The following LDLRAD3 variants were observed in gnomAD, a reference collection of about 807,000 sequenced individuals.
LDLRAD3 encodes low density lipoprotein receptor class A domain containing 3.
In LDLRAD3, 20 loss-of-function variants were observed where a neutral mutation model predicts 29.4. The ratio of observed to expected loss-of-function variants is 0.68; its 90% CI spans 0.48 to 0.99. The LOEUF (loss-of-function observed/expected upper bound fraction) is 0.99, where lower values mean the gene tolerates loss of function less well. Among genes scored for constraint, LDLRAD3 ranks in the 50% least tolerant of loss-of-function variants. The pLI, the probability that LDLRAD3 is intolerant of heterozygous loss-of-function variation, is 0.00. For synonymous variants in LDLRAD3, 157 were observed against 192.7 expected (o/e 0.81, Z 1.53); for missense variants, 420 against 454.3 (o/e 0.92, Z 0.69).
intron 1 of LDLRAD3, among the ~76,000 whole-genome samples, chr11:36,032,218 G>C (rs12270867): frequency 0.046 from 6,951 of 152,226 alleles, 207 homozygotes; most frequent in South Asian, 0.12. Flanking sequence ...ATTTTGGGGG[G>C]ACACAATTGA....
intron 3 of LDLRAD3, 123 bp from the exon 4 acceptor site, chr11:36,098,204 G>A (rs1460009573): frequency 2.5e-6 from 3 of 1,192,572 alleles, no homozygotes; most frequent in South Asian, 1.5e-5. Flanking sequence ...CTTTGAGTCT[G>A]CCAGCTTAGA....
chr11:36,169,708 G>A (rs974924953), intron 4 of LDLRAD3, among the ~76,000 whole-genome samples: 10 of 152,070 alleles, frequency 6.6e-5, no homozygotes, highest in African/African-American at 2.4e-4. Flanking sequence ...ATCCATTGAT[G>A]GGCACTTATG....
intron 1 of LDLRAD3, among the ~76,000 whole-genome samples, chr11:36,004,154 T>C (rs1851857023): frequency 6.6e-6 from 1 of 152,184 alleles, no homozygotes; most frequent in Admixed American, 6.5e-5. Flanking sequence ...CCCCTAGTCT[T>C]ATTTCAGCAT....
intron 2 of LDLRAD3, among the ~76,000 whole-genome samples, chr11:36,057,242 T>C (rs1852635013): frequency 6.6e-6 from 1 of 152,180 alleles, no homozygotes; most frequent in Non-Finnish European, 1.5e-5. Flanking sequence ...TCAGGGTCCC[T>C]GGTGGATTGA....
chr11:36,151,675 A>G (rs907380252), intron 4 of LDLRAD3, among the ~76,000 whole-genome samples: 1 of 152,194 alleles, frequency 6.6e-6, no homozygotes, highest in African/African-American at 2.4e-5. Context: ...ATTGAGCTTG[A>G]TAAATGTATA....
chr11:36,132,703 C>T (rs1295604455), intron 4 of LDLRAD3, among the ~76,000 whole-genome samples: 1 of 152,194 alleles, frequency 6.6e-6, no homozygotes, highest in African/African-American at 2.4e-5. Context: ...CTTTTGAGCG[C>T]CTTACAGTCC....
At position 36,128,475 on chromosome 11, in the gene LDLRAD3, G is replaced by A. The variant is rs115078754; in HGVS notation, c.454+30014G>A. Among the ~76,000 whole-genome samples the A allele has an allele frequency of 5.9e-3, 900 of 152,212 alleles. 4 individuals carry two copies. The highest frequency in any genetic ancestry group is 0.02 in the African/African-American group (811 of 41,532). On this transcript the variant is annotated intron_variant, in intron 4 of 5. Coordinates refer to ENST00000315571, the MANE Select transcript of LDLRAD3 (RefSeq NM_174902.4). ...CCATCATAAAGGACTGTAGAAGCCC[G>A]TGCACCTGGGAAATTGGACTTTATC...
intron 3 of LDLRAD3, among the ~76,000 whole-genome samples, chr11:36,087,907 C>T (rs577410006): frequency 2.6e-5 from 4 of 151,992 alleles, no homozygotes; most frequent in South Asian, 2.1e-4. Context: ...TTAGTAGTGT[C>T]GGAGTTTAAC....
rs150344226 is a variant in LDLRAD3, at chr11:36,120,429, G to A, written c.454+21968G>A. Among the ~76,000 whole-genome samples, 637 of 152,206 alleles carry A rather than the reference G, an allele frequency of 4.2e-3. 1 individual carries two copies. Among genetic ancestry groups the A allele is most frequent in the African/African-American group, 0.014 (591 of 41,518 alleles). On this transcript the variant is annotated intron_variant, in intron 4 of 5. Coordinates refer to ENST00000315571, the MANE Select transcript of LDLRAD3 (RefSeq NM_174902.4). ...TTGGAAACTGTCCTGTGAGTGTTTAGTATGTGCTAGGCACTCTCCTGAGCA... is the reference window on the plus strand; with the variant it reads ...TTGGAAACTGTCCTGTGAGTGTTTAATATGTGCTAGGCACTCTCCTGAGCA...
chr11:35,972,086 T>A (rs1851419805), intron 1 of LDLRAD3, among the ~76,000 whole-genome samples: 1 of 151,900 alleles, frequency 6.6e-6, no homozygotes, highest in South Asian at 2.1e-4. Context: ...GGATGGGGAT[T>A]TGGAAAGTAC....
At chr11:36,192,114 G>A (rs543567609) in intron 4 of LDLRAD3, among the ~76,000 whole-genome samples, 3 of 152,244 alleles carry the variant, frequency 2.0e-5, no homozygotes, top group Non-Finnish European at 2.9e-5. Flanking sequence ...GAATGCGATC[G>A]CTTTTATCAA....
Position 36,184,877 on chromosome 11 carries a change from G to C in LDLRAD3, c.455-42208G>C, listed in dbSNP as rs529920894. Among the ~76,000 whole-genome samples the C allele has an allele frequency of 1.2e-4, 19 of 152,244 alleles. No homozygotes were observed. In the East Asian group the frequency reaches 2.3e-3, roughly 19 times the overall value. ...CTTTAGACTCTCCACTTTGGCCCTG[G>C]ATCTTGACTTAATGTTCCTCTCAAT... On this transcript the variant is annotated intron_variant, in intron 4 of 5. Transcript: ENST00000315571.
chr11:36,062,398 C>G (rs75896871), intron 2 of LDLRAD3, among the ~76,000 whole-genome samples: 2 of 152,062 alleles, frequency 1.3e-5, no homozygotes, highest in African/African-American at 2.4e-5. Context: ...ACCAGGGGTT[C>G]GGTCTAGGTC....
chr11:36,176,341 C>G (rs779839467), intron 4 of LDLRAD3, among the ~76,000 whole-genome samples: 11 of 152,038 alleles, frequency 7.2e-5, no homozygotes, highest in Non-Finnish European at 1.5e-4. Context: ...TTCTGTTCCT[C>G]GTGCTAGTTG....
At chr11:35,967,615 AT>A in intron 1 of LDLRAD3, 1 of 459,452 alleles carries the variant, frequency 2.2e-6, no homozygotes, top group Non-Finnish European at 4.2e-6. Context: ...AATCAGCTTC[AT>A]TTTCAACTTC....
chr11:36,049,688 A>G (rs1852501664), intron 2 of LDLRAD3, among the ~76,000 whole-genome samples: 1 of 152,196 alleles, frequency 6.6e-6, no homozygotes, highest in African/African-American at 2.4e-5. Context: ...TTGGAAGGCA[A>G]AGGACTCAGG....
chr11:36,171,248 G>A (rs1565277036), intron 4 of LDLRAD3, among the ~76,000 whole-genome samples: 1 of 152,162 alleles, frequency 6.6e-6, no homozygotes, highest in African/African-American at 2.4e-5. Flanking sequence ...CTGTTGGGTT[G>A]TGTGTTTACT....
At chr11:36,081,455 T>G (rs1232167015) in intron 2 of LDLRAD3, among the ~76,000 whole-genome samples, 198 bp from the exon 3 acceptor site, 1 of 152,222 alleles carries the variant, frequency 6.6e-6, no homozygotes, top group African/African-American at 2.4e-5. Context: ...TTTGAAGCAT[T>G]CCTCTCTAGA....
chr11:36,048,325 G>C (rs1590225780), intron 2 of LDLRAD3, among the ~76,000 whole-genome samples: 1 of 152,156 alleles, frequency 6.6e-6, no homozygotes, highest in Non-Finnish European at 1.5e-5. Context: ...TGGGCTGGGG[G>C]ACAGCCTAGG....
Sources: allele counts gnomAD v4.1 joint callset (sites outside exome capture counted in the v4.1 genomes callset), GRCh38; gene constraint gnomAD v4.1.1; transcripts MANE v1.5; gene names NCBI Gene and HGNC (gene_info 2026-07-23, HGNC 2026-07-21).